Variants in COL26A1 observed in about 807,000 individuals in gnomAD.
COL26A1 encodes the protein collagen type XXVI alpha 1 chain, also known as collagen alpha-1(XXVI) chain.
In COL26A1, 41 loss-of-function variants were observed where a neutral mutation model predicts 59.3. The observed-to-expected ratio is 0.69, with a 90% confidence interval of 0.54 to 0.90. COL26A1 has a LOEUF of 0.90. COL26A1 is among the 40% of genes least tolerant of loss of function. The pLI is 0.00. For synonymous variants in COL26A1, 266 were observed against 256.0 expected (o/e 1.04, Z -0.37); for missense variants, 612 against 602.3 (o/e 1.02, Z -0.17).
At chr7:101,375,279 C>G (rs530743438) in intron 1 of COL26A1, among the ~76,000 whole-genome samples, 51 of 151,976 alleles carry the variant, frequency 3.4e-4, no homozygotes, top group Non-Finnish European at 5.4e-4. Context: ...ATTAATCAAG[C>G]GCTTAGAACA....
intron 3 of COL26A1, among the ~76,000 whole-genome samples, chr7:101,453,497 G>A (rs1793395249): frequency 6.6e-6 from 1 of 152,216 alleles, no homozygotes; most frequent in Non-Finnish European, 1.5e-5. Flanking sequence ...ATGAGTTCCA[G>A]CACCTCTCAA....
chr7:101,403,853 TG>T (rs1178346766), intron 1 of COL26A1, among the ~76,000 whole-genome samples: 1 of 152,172 alleles, frequency 6.6e-6, no homozygotes, highest in Non-Finnish European at 1.5e-5. Context: ...CCCAGCACTT[TG>T]GGAAGCCTAG....
At chr7:101,383,625 C>A (rs1413311801) in intron 1 of COL26A1, among the ~76,000 whole-genome samples, 1 of 152,106 alleles carries the variant, frequency 6.6e-6, no homozygotes, top group Non-Finnish European at 1.5e-5. Context: ...ATCTCTGCCT[C>A]CCCGGTTCAA....
At chr7:101,378,308 G>A (rs1406231698) in intron 1 of COL26A1, among the ~76,000 whole-genome samples, 1 of 152,124 alleles carries the variant, frequency 6.6e-6, no homozygotes, top group African/African-American at 2.4e-5. Context: ...CTGTGAGGCA[G>A]GGATTTAACT....
intron 3 of COL26A1, among the ~76,000 whole-genome samples, chr7:101,451,378 T>C (rs1793335163): frequency 6.8e-6 from 1 of 147,120 alleles, no homozygotes. Context: ...TTATATATAA[T>C]GTTATATTTA....
chr7:101,371,866 T>A (rs988150956), intron 1 of COL26A1, among the ~76,000 whole-genome samples: 1 of 152,068 alleles, frequency 6.6e-6, no homozygotes, highest in African/African-American at 2.4e-5. Context: ...AACAGATCCA[T>A]GAGCAAGAGT....
intron 2 of COL26A1, among the ~76,000 whole-genome samples, chr7:101,447,140 G>A (rs1012739388): frequency 6.6e-6 from 1 of 152,120 alleles, no homozygotes; most frequent in Non-Finnish European, 1.5e-5. Context: ...CTGATCCATC[G>A]AGGACAGGGT....
At chr7:101,469,613 C>T (rs1793846444) in intron 3 of COL26A1, among the ~76,000 whole-genome samples, 1 of 152,044 alleles carries the variant, frequency 6.6e-6, no homozygotes, top group Non-Finnish European at 1.5e-5. Context: ...CATCAGCCTC[C>T]TGAGTAGCTG....
intron 12 of COL26A1, among the ~76,000 whole-genome samples, chr7:101,556,715 C>A (rs1795983026): frequency 7.2e-6 from 1 of 138,668 alleles, no homozygotes; most frequent in African/African-American, 2.8e-5. Context: ...GATAAGTGGG[C>A]AGGTGGGTGG....
intron 3 of COL26A1, 100 bp downstream of exon 3, chr7:101,447,887 C>A: frequency 1.4e-6 from 1 of 730,426 alleles, no homozygotes; most frequent in Non-Finnish European, 2.4e-6. Context: ...TCCTTTCCTC[C>A]GTAGCTTGAA....
intron 1 of COL26A1, among the ~76,000 whole-genome samples, chr7:101,378,180 G>A (rs1791363169): frequency 6.6e-6 from 1 of 152,128 alleles, no homozygotes; most frequent in Admixed American, 6.6e-5. Flanking sequence ...AGGAGTTCGA[G>A]ACCAGCCTGG....
chr7:101,455,709 G>A lies in COL26A1; in HGVS notation c.385+7922G>A, dbSNP rs552621798. Among the ~76,000 whole-genome samples the A allele has an allele frequency of 2.6e-5, 4 of 151,666 alleles. No homozygotes were observed. The East Asian group carries it at 7.8e-4, about 29-fold the overall frequency. ...TATTTTTAATTTTTTTTGAGATGGA[G>A]CCTAGCTCTGTCACCCAAGCTGTAG... On this transcript the variant is annotated intron_variant, in intron 3 of 12. Coordinates refer to ENST00000313669, the MANE Select transcript of COL26A1 (RefSeq NM_001278563.3).
chr7:101,476,900 CT>C (rs1398576274), intron 3 of COL26A1, among the ~76,000 whole-genome samples: 1 of 144,676 alleles, frequency 6.9e-6, no homozygotes, highest in African/African-American at 2.6e-5. Context: ...CTGAAGTGCA[CT>C]GGCACGATCT....
At chr7:101,549,494 C>A (rs1795815951) in intron 9 of COL26A1, among the ~76,000 whole-genome samples, 1 of 152,202 alleles carries the variant, frequency 6.6e-6, no homozygotes, top group Non-Finnish European at 1.5e-5. Context: ...GATTCTCCTG[C>A]CTCAGCCTCC....
At chr7:101,413,195 CT>C (rs1176177965) in intron 1 of COL26A1, among the ~76,000 whole-genome samples, 8 of 152,132 alleles carry the variant, frequency 5.3e-5, no homozygotes, top group Admixed American at 5.2e-4. Flanking sequence ...GCTCCTCCCC[CT>C]AGGTGAAGTG....
chr7:101,557,017 A>G (rs1795993879), intron 12 of COL26A1, among the ~76,000 whole-genome samples: 1 of 53,204 alleles, frequency 1.9e-5, no homozygotes, highest in Non-Finnish European at 5.0e-5. Context: ...GGATGGATGG[A>G]TGGATGGATG....
Position 101,508,303 on chromosome 7 carries a change from C to T in COL26A1, c.386-24779C>T, listed in dbSNP as rs1170069963. Among the ~76,000 whole-genome samples the T allele has an allele frequency of 2.0e-5, 3 of 152,268 alleles. No individual in the cohort carries two copies. The East Asian group carries it at 5.8e-4, about 29-fold the overall frequency. ...TTTGGAAGCCTAGGAGGGAGGATTG[C>T]TTGAGGCCAGGAGTTCAAGACCAGC... On this transcript the variant is annotated intron_variant, in intron 3 of 12. Coordinates refer to ENST00000313669, the MANE Select transcript of COL26A1 (RefSeq NM_001278563.3).
chr7:101,450,027 G>A (rs1793291648), intron 3 of COL26A1, among the ~76,000 whole-genome samples: 1 of 151,666 alleles, frequency 6.6e-6, no homozygotes, highest in Non-Finnish European at 1.5e-5. Flanking sequence ...GGGAGGCTGA[G>A]GCAGAAGAAT....
At chr7:101,497,841 A>C (rs1043925899) in intron 3 of COL26A1, among the ~76,000 whole-genome samples, 6 of 152,020 alleles carry the variant, frequency 3.9e-5, no homozygotes, top group Non-Finnish European at 5.9e-5. Flanking sequence ...AAAATTTGCT[A>C]GGTGTGGTGT....
Sources: allele counts gnomAD v4.1 joint callset (sites outside exome capture counted in the v4.1 genomes callset), GRCh38; gene constraint gnomAD v4.1.1; transcripts MANE v1.5; gene names NCBI Gene and HGNC (gene_info 2026-07-23, HGNC 2026-07-21).